Variants in MYO15A observed in about 807,000 individuals in gnomAD.
MYO15A encodes the protein unconventional myosin-XV.
A neutral mutation model predicts 394.6 loss-of-function variants in MYO15A; 308 were observed. The ratio of observed to expected loss-of-function variants is 0.78; its 90% confidence interval spans 0.71 to 0.86. MYO15A has a LOEUF of 0.86. MYO15A is among the 40% of genes least tolerant of loss of function. MYO15A has a pLI of 0.00. For missense variants in MYO15A, 4,606 were observed against 4,799.1 expected, an observed-to-expected ratio of 0.96 and a Z score of 1.19; for synonymous variants, 1,957 against 2,003.8, an observed-to-expected ratio of 0.98 and a Z score of 0.62.
intron 52 of MYO15A, 118 bp from the exon 53 acceptor site, chr17:18,158,807 C>A: frequency 7.1e-7 from 1 of 1,411,720 alleles, no homozygotes; most frequent in South Asian, 1.2e-5. Context: ...TCTTCGTGAC[C>A]GGTAGACTGA....
At chr17:18,138,059 TG>T in intron 16 of MYO15A, 55 bp from the exon 17 acceptor site, 1 of 643,320 alleles carries the variant, frequency 1.6e-6, no homozygotes, top group Non-Finnish European at 2.0e-6. Context: ...GGAGGGAGGG[TG>T]GGTGGGCCCT....
intron 13 of MYO15A, 79 bp downstream of exon 13, chr17:18,135,903 G>C: frequency 7.5e-7 from 1 of 1,333,130 alleles, no homozygotes; most frequent in Non-Finnish European, 1.1e-6. Context: ...GATCCTTTGT[G>C]GGCAGCCTCT....
At chr17:18,141,203 C>T in intron 22 of MYO15A, 60 bp downstream of exon 22, 2 of 1,607,754 alleles carry the variant, frequency 1.2e-6, no homozygotes, top group Non-Finnish European at 1.7e-6. Flanking sequence ...CCCATGGCCC[C>T]AGGAATACAC....
Position 18,146,257 on chromosome 17 carries a change from A to C in MYO15A, c.6509+150A>C, listed in dbSNP as rs536569693. On this transcript the variant is annotated intron_variant, in intron 30 of 65. Coordinates refer to ENST00000647165, the MANE Select transcript of MYO15A (RefSeq NM_016239.4). ...CTGGCCAGGGCTGCTCTGCATTTCT[A>C]CTGGGCTCAGAGCAAGAAAGGAGGG... 15 of 851,608 alleles carry C rather than the reference A, an allele frequency of 1.8e-5. No homozygotes were observed. In the South Asian group the frequency reaches 1.8e-4, roughly 10 times the overall value. The allele number at this position is 851,608 out of a possible 1,614,324, so 52.8% of individuals were successfully genotyped here.
In MYO15A at chr17:18,151,957, G is replaced by T. The variant is rs758206042; in HGVS notation, c.7893+6G>T. On this transcript the variant is annotated splice_donor_region_variant and intron_variant, in intron 41 of 65. Transcript: ENST00000647165. ...CAGCTGCACCTGGCACCCAGGTGAG[G>T]GGGGAAGGTGGGGCTGAGCCCAGGT... 4.7e-5 allele frequency: 73 copies of T among 1,554,936 alleles called. 1 individual carries two copies. Among genetic ancestry groups the T allele is most frequent in the South Asian group, 2.3e-4 (19 of 84,280 alleles).
intron 5 of MYO15A, 142 bp from the exon 6 acceptor site, chr17:18,126,649 G>T: frequency 8.7e-7 from 1 of 1,155,750 alleles, no homozygotes. Flanking sequence ...TTCAGACCAG[G>T]ATGGGGGTGG....
At chr17:18,109,217 A>G (rs1276062573) in intron 1 of MYO15A, 1 of 152,228 alleles carries the variant, frequency 6.6e-6, no homozygotes, top group Non-Finnish European at 1.5e-5. Context: ...GTGAGTCCAG[A>G]CCTTGGATTA....
intron 1 of MYO15A, among the ~76,000 whole-genome samples, chr17:18,111,679 G>A (rs559095469): frequency 1.1e-4 from 17 of 152,220 alleles, no homozygotes; most frequent in Non-Finnish European, 2.2e-4. Flanking sequence ...GATCAGGTGG[G>A]CAGGACTTGC....
intron 65 of MYO15A, among the ~76,000 whole-genome samples, chr17:18,174,781 T>C (rs2046990957): frequency 6.6e-6 from 1 of 152,174 alleles, no homozygotes; most frequent in African/African-American, 2.4e-5. Flanking sequence ...GTCCAGCCTG[T>C]AACATCCCCC....
At chr17:18,128,526 G>T (rs1457761074) in intron 7 of MYO15A, among the ~76,000 whole-genome samples, 2 of 152,168 alleles carry the variant, frequency 1.3e-5, no homozygotes, top group Non-Finnish European at 2.9e-5. Context: ...GCCTGCCAGG[G>T]TCTCCCATCC....
chr17:18,175,531 T>G (rs939744611), intron 65 of MYO15A, among the ~76,000 whole-genome samples: 3 of 152,068 alleles, frequency 2.0e-5, no homozygotes, highest in Non-Finnish European at 4.4e-5. Context: ...CCTCAAGTGA[T>G]CCATCCACCT....
chr17:18,153,909 G>A lies in MYO15A; in HGVS notation c.8088+13G>A. The A allele has an allele frequency of 1.2e-6, 2 of 1,613,506 alleles. No homozygotes were observed. Among genetic ancestry groups the A allele is most frequent in the Non-Finnish European group, 1.7e-6 (2 of 1,180,002 alleles). ...CCTGCGCAAAGAGGTGCCGAGCACA[G>A]CCGTAGCCAGGGGAGGGGCTGAAGC... On this transcript the variant is annotated intron_variant, in intron 43 of 65. Coordinates refer to ENST00000647165, the MANE Select transcript of MYO15A (RefSeq NM_016239.4). This position sits in a 1 kb window ranked among gnomAD's most constrained non-coding sequence, Gnocchi z 4.1.
intron 7 of MYO15A, among the ~76,000 whole-genome samples, chr17:18,128,672 C>G (rs1351611019): frequency 6.6e-6 from 1 of 152,190 alleles, no homozygotes; most frequent in African/African-American, 2.4e-5. Flanking sequence ...CTCCTGTGGC[C>G]AGGCACAGTG....
intron 65 of MYO15A, chr17:18,178,370 G>GA (rs758976352): frequency 0.039 from 10,535 of 270,642 alleles, 40 homozygotes; most frequent in South Asian, 0.056. Context: ...CTCCATCTAG[G>GA]AAAAAAAAAA....
chr17:18,130,749 T>C, intron 7 of MYO15A, 56 bp from the exon 8 acceptor site: 4 of 1,612,776 alleles, frequency 2.5e-6, no homozygotes, highest in East Asian at 2.2e-5. Flanking sequence ...GTCCTGCTAG[T>C]GACTCCATTC....
Position 18,124,322 on chromosome 17 carries a change from G to C in MYO15A, c.3610-161G>C, listed in dbSNP as rs949383693. 38 of 721,876 alleles carry C rather than the reference G, an allele frequency of 5.3e-5. No individual in the cohort carries two copies. In the Middle Eastern group the frequency reaches 6.9e-4, roughly 13 times the overall value. The allele number at this position is 721,876 out of a possible 1,614,324, so 44.7% of individuals were successfully genotyped here. On this transcript the variant is annotated intron_variant, in intron 2 of 65. Coordinates refer to ENST00000647165, the MANE Select transcript of MYO15A (RefSeq NM_016239.4). ...GTGTGAGGGTCGCATGCAGGTTCTG[G>C]GGGCCACAGCATTCTGTAATGAGGA...
chr17:18,121,348 C>T lies in MYO15A; in HGVS notation c.2548C>T (p.Pro850Ser), dbSNP rs2045926008. ...LPGSPRPPSP[P>S]LGLCHSPRRS... ...GGGCTCACCCAGGCCGCCCTCGCCG[C>T]CCCTGGGGCTCTGCCACAGCCCGCG... Residue 850 changes from proline to serine, a missense_variant, in exon 2 of 66, where the codon CCC (proline) becomes TCC (serine). Physicochemically the swap from Pro to Ser is moderately conservative, Grantham distance 74. Transcript: ENST00000647165. The surrounding 1 kb of genome is among the most constrained non-coding windows in gnomAD (Gnocchi z 5.3). 2 of 1,445,272 alleles carry T rather than the reference C, an allele frequency of 1.4e-6. No homozygotes were observed. Among genetic ancestry groups the T allele is most frequent in the Non-Finnish European group, 1.8e-6 (2 of 1,106,072 alleles). 89.5% of individuals were successfully genotyped at this position (1,445,272 alleles called of 1,614,324 possible).
intron 50 of MYO15A, chr17:18,157,488 C>T (rs1417831061): frequency 1.2e-5 from 12 of 960,714 alleles, no homozygotes; most frequent in Middle Eastern, 2.5e-4. Context: ...CCTGAGAGTC[C>T]ACAAACCCTG....
rs1465372910 is a variant in MYO15A, at chr17:18,162,591, C to G, written c.9524C>G (p.Ala3175Gly). The G allele has an allele frequency of 6.2e-7, 1 of 1,613,934 alleles. No individual in the cohort carries two copies. The part of the protein sequence containing the change: ...RTPGLPFQGI[A>G]KACEQNLQKT... ...GAACTCCCTGCTTCTGCAGGGATCG[C>G]CAAGGCCTGCGAGCAGAACCTGCAG... Residue 3175 changes from alanine (A) to glycine (G), a missense_variant, in exon 58 of 66, where the codon GCC (alanine) becomes GGC (glycine). Ala to Gly is a moderately conservative substitution (Grantham distance 60). Around this residue, in one of 2 missense-constraint regions of MYO15A, gnomAD observed 2,776 missense variants for 3,109.3 expected, o/e 0.89. Transcript: ENST00000647165.
Sources: gnomAD v4.1 joint callset for allele counts (sites outside exome capture counted in the v4.1 genomes callset) on GRCh38, gnomAD v4.1.1 for gene constraint, gnomAD v4.1.1 regional missense constraint, Gnocchi (gnomAD v3.1) non-coding constraint, MANE v1.5 for transcripts, NCBI Gene and HGNC (gene_info 2026-07-23, HGNC 2026-07-21) for gene names.